The following SEMA3A variants were observed in gnomAD, a reference collection of about 807,000 sequenced individuals.
SEMA3A encodes the protein semaphorin 3A, also known as semaphorin-3A.
SEMA3A carries 29 observed loss-of-function variants against 97.9 expected under a neutral mutation model. The observed-to-expected ratio is 0.30, with a 90% CI of 0.22 to 0.40. The LOEUF (loss-of-function observed/expected upper bound fraction) is 0.40, where lower values mean the gene tolerates loss of function less well. Ranked by LOEUF, SEMA3A falls within the 10% of genes least tolerant of loss-of-function variation. SEMA3A has a pLI of 1.00. For synonymous variants in SEMA3A, 321 were observed against 323.7 expected (o/e 0.99, Z 0.09); for missense variants, 763 against 951.3 (o/e 0.80, Z 2.60).
chr7:84,290,475 G>C (rs755391843), intron 3 of SEMA3A, among the ~76,000 whole-genome samples: 48 of 151,314 alleles, frequency 3.2e-4, no homozygotes, highest in Non-Finnish European at 5.9e-4. Context: ...TGTGTCTAAG[G>C]AGCCATAATA....
At chr7:84,404,305 C>T (rs555918137) in intron 1 of SEMA3A, among the ~76,000 whole-genome samples, 16 of 151,088 alleles carry the variant, frequency 1.1e-4, no homozygotes, top group South Asian at 2.1e-4. Context: ...CGATGGAAGA[C>T]AAAATGAATG....
chr7:84,050,553 G>C (rs1265022233), intron 5 of SEMA3A, among the ~76,000 whole-genome samples: 1 of 152,038 alleles, frequency 6.6e-6, no homozygotes, highest in Non-Finnish European at 1.5e-5. Context: ...TTTTGATGGG[G>C]TTGTATGTTT....
chr7:84,044,079 G>A (rs549169540), intron 6 of SEMA3A, among the ~76,000 whole-genome samples: 1 of 152,040 alleles, frequency 6.6e-6, no homozygotes, highest in East Asian at 1.9e-4. Context: ...AGGGTACTTA[G>A]TAGATCAAAG....
chr7:84,079,570 G>A (rs1207924747), intron 4 of SEMA3A, among the ~76,000 whole-genome samples: 1 of 152,014 alleles, frequency 6.6e-6, no homozygotes, highest in Non-Finnish European at 1.5e-5. Flanking sequence ...CTCAAAAGAA[G>A]ACATTTAGGC....
At chr7:84,477,465 A>G (rs34165697) in intron 1 of SEMA3A, among the ~76,000 whole-genome samples, 2 of 143,016 alleles carry the variant, frequency 1.4e-5, no homozygotes, top group African/African-American at 5.3e-5. Flanking sequence ...AAAAAAAAAG[A>G]CTTAAAATAT....
At chr7:84,184,863 A>G (rs1219256126) in intron 1 of SEMA3A, among the ~76,000 whole-genome samples, 1 of 152,168 alleles carries the variant, frequency 6.6e-6, no homozygotes, top group East Asian at 1.9e-4. Context: ...TTTTTAAAGT[A>G]CCAGTGCCCA....
intron 12 of SEMA3A, among the ~76,000 whole-genome samples, chr7:83,993,687 T>G (rs1367491089): frequency 1.0e-5 from 1 of 99,012 alleles, no homozygotes; most frequent in Non-Finnish European, 2.0e-5. Flanking sequence ...AGAGATCTGC[T>G]GTTAGTCTGA....
chr7:84,132,277 G>A (rs1327751328), intron 2 of SEMA3A, among the ~76,000 whole-genome samples: 1 of 152,094 alleles, frequency 6.6e-6, no homozygotes, highest in African/African-American at 2.4e-5. Flanking sequence ...AGAAGATCAC[G>A]ATTTTGGACA....
In SEMA3A at chr7:84,308,214, T is replaced by C. The variant is rs112514033; in HGVS notation, c.-168-922A>G. 3.3e-5 allele frequency among the ~76,000 whole-genome samples: 5 copies of C among 152,250 alleles called. 1 individual carries two copies. Among genetic ancestry groups the C allele is most frequent in the African/African-American group, 1.2e-4 (5 of 41,576 alleles). Reference sequence around the variant, plus strand: ...TACCATATATTTAAAAAATAGAATATATTGTCCTATATGCATTTTTCGGCA... The same window carrying C: ...TACCATATATTTAAAAAATAGAATACATTGTCCTATATGCATTTTTCGGCA... On this transcript the variant is annotated intron_variant, in intron 2 of 3. Transcript: ENST00000424555.
intron 3 of SEMA3A, among the ~76,000 whole-genome samples, chr7:84,223,470 TATC>T (rs1478583754): frequency 2.0e-5 from 3 of 151,892 alleles, no homozygotes; most frequent in Non-Finnish European, 4.4e-5. Flanking sequence ...CTCTTTTTAA[TATC>T]ATGATTCTTT....
chr7:84,090,422 G>A (rs1562773337), intron 4 of SEMA3A, among the ~76,000 whole-genome samples: 1 of 150,138 alleles, frequency 6.7e-6, no homozygotes, highest in African/African-American at 2.5e-5. Flanking sequence ...GTTTGCAGAC[G>A]ATTTGTCTAA....
At chr7:84,183,000 C>T (rs1410462851) in intron 1 of SEMA3A, among the ~76,000 whole-genome samples, 1 of 152,090 alleles carries the variant, frequency 6.6e-6, no homozygotes, top group Non-Finnish European at 1.5e-5. Flanking sequence ...CTAGAGAATA[C>T]ACACAAGTAA....
At chr7:84,015,243 A>G (rs564173404) in intron 6 of SEMA3A, among the ~76,000 whole-genome samples, 1 of 123,550 alleles carries the variant, frequency 8.1e-6, no homozygotes, top group South Asian at 2.8e-4. Flanking sequence ...TATACGTTCC[A>G]TGAGAATAAG....
chr7:84,209,399 C>T (rs1798571484), intron 3 of SEMA3A, among the ~76,000 whole-genome samples: 1 of 152,108 alleles, frequency 6.6e-6, no homozygotes, highest in African/African-American at 2.4e-5. Flanking sequence ...AATAAAGAGG[C>T]AGTACAGTAT....
intron 2 of SEMA3A, among the ~76,000 whole-genome samples, chr7:84,324,612 G>T (rs912390625): frequency 5.9e-5 from 9 of 151,960 alleles, no homozygotes; most frequent in Admixed American, 5.9e-4. Context: ...TAGAACTCTA[G>T]ATAACAAAAT....
rs184587349 is a variant in SEMA3A, at chr7:83,984,536, A to C, written c.1494+900T>G. Among the ~76,000 whole-genome samples, 443 of 149,406 alleles carry C rather than the reference A, an allele frequency of 3.0e-3. 1 individual carries two copies. Among genetic ancestry groups the C allele is most frequent in the African/African-American group, 0.01 (412 of 40,618 alleles). On this transcript the variant is annotated intron_variant, in intron 13 of 16. Coordinates refer to ENST00000265362, the MANE Select transcript of SEMA3A (RefSeq NM_006080.3). ...AAATAAGATTTGCCAAATGATTCTC[A>C]TTTTACAATTTTGTATATAAGTTTT... is the stretch of plus-strand genomic sequence containing the variant.
At chr7:84,475,206 G>A (rs985052148) in intron 1 of SEMA3A, among the ~76,000 whole-genome samples, 1 of 151,966 alleles carries the variant, frequency 6.6e-6, no homozygotes, top group South Asian at 2.1e-4. Flanking sequence ...TATTCAACCT[G>A]AAATTTCCTA....
intron 1 of SEMA3A, chr7:84,489,083 T>G (rs1047996668): frequency 6.6e-6 from 1 of 152,226 alleles, no homozygotes; most frequent in Non-Finnish European, 1.5e-5. Context: ...GAAAAGAGGT[T>G]TAATTGACTC....
intron 13 of SEMA3A, among the ~76,000 whole-genome samples, chr7:83,982,801 A>G (rs1789469847): frequency 6.6e-6 from 1 of 152,150 alleles, no homozygotes; most frequent in African/African-American, 2.4e-5. Context: ...ATAAATAACC[A>G]GATAAATTGA....
Sources: gnomAD v4.1 joint callset for allele counts (sites outside exome capture counted in the v4.1 genomes callset) on GRCh38, gnomAD v4.1.1 for gene constraint, MANE v1.5 for transcripts, NCBI Gene and HGNC (gene_info 2026-07-23, HGNC 2026-07-21) for gene names.